The following FBXO7 variants were observed in gnomAD, a reference collection of about 807,000 sequenced individuals.
The protein encoded by FBXO7 is F-box protein 7, also known as F-box only protein 7.
FBXO7 carries 31 observed loss-of-function variants against 50.2 expected under a neutral mutation model. The observed-to-expected ratio is 0.62, with a 90% CI of 0.46 to 0.83. The LOEUF (loss-of-function observed/expected upper bound fraction) is 0.83, where lower values mean the gene tolerates loss of function less well. Among genes scored for constraint, FBXO7 ranks in the 40% least tolerant of loss-of-function variants. The probability of loss-of-function intolerance (pLI) is 0.00; values close to 1 mark genes in which losing one functional copy is unlikely to be tolerated. For missense variants in FBXO7, 667 were observed against 646.6 expected (o/e 1.03, Z -0.34); for synonymous variants, 256 against 253.1 (o/e 1.01, Z -0.11).
chr22:32,475,128 C>T lies in FBXO7; in HGVS notation c.122+4C>T. The T allele has an allele frequency of 6.5e-7, 1 of 1,537,196 alleles. No homozygotes were observed. Among genetic ancestry groups the T allele is most frequent in the Non-Finnish European group, 8.8e-7 (1 of 1,141,702 alleles). On this transcript the variant is annotated splice_donor_region_variant and intron_variant, in intron 1 of 8. Transcript: ENST00000266087. The stretch of plus-strand genomic sequence containing the variant: ...TGCTGTGCACCTGGGGGTACAGGTA[C>T]GCTGGGGCCGGGGCTGGGCGGCCCG...
At chr22:32,495,420 A>T in intron 7 of FBXO7, 73 bp from the exon 8 acceptor site, 1 of 1,062,862 alleles carries the variant, frequency 9.4e-7, no homozygotes, top group Non-Finnish European at 1.4e-6. Context: ...CTTAGGAGAA[A>T]AACAAAACCC....
At position 32,479,180 on chromosome 22, in the gene FBXO7, A is replaced by G. The variant is rs1226606253; in HGVS notation, c.322A>G (p.Thr108Ala). Reference sequence around the variant, plus strand: ...GAATAATGAGCAACCCTCTTTGGCCACCAGCTCCAATCAGACTAGCATGCA... The same window carrying G: ...GAATAATGAGCAACCCTCTTTGGCCGCCAGCTCCAATCAGACTAGCATGCA... The part of the protein sequence containing the change: ...LQNNEQPSLA[T>A]SSNQTSMQDE... Residue 108 changes from threonine to alanine, a missense_variant, in exon 2 of 9, where the codon ACC (threonine) becomes GCC (alanine). Transcript: ENST00000266087. 1 of 1,614,112 alleles carries G rather than the reference A, an allele frequency of 6.2e-7. No individual in the cohort carries two copies. The highest frequency in any genetic ancestry group is 1.3e-5 in the African/African-American group (1 of 75,022).
In FBXO7 at chr22:32,493,274, T is replaced by A. The variant is rs2057550487; in HGVS notation, c.1137T>A (p.Asp379Glu). ...TGTGGAGGTTTTTATATCTGCGTGATTTTCGAGGTGATTTCCGTAATGACA... is the reference window on the plus strand; with the variant it reads ...TGTGGAGGTTTTTATATCTGCGTGAATTTCGAGGTGATTTCCGTAATGACA... The part of the protein sequence containing the change: ...PLLWRFLYLR[D>E]FRDNTVRVQD... Residue 379 changes from aspartate to glutamate, a missense_variant, in exon 7 of 9, where the codon GAT becomes GAA. Asp to Glu is a conservative substitution (Grantham distance 45, BLOSUM62 2). Coordinates refer to ENST00000266087, the MANE Select transcript of FBXO7 (RefSeq NM_012179.4). 6.2e-7 allele frequency: 1 copy of A among 1,613,804 alleles called. No individual in the cohort carries two copies. Among genetic ancestry groups the A allele is most frequent in the African/African-American group, 1.3e-5 (1 of 74,918 alleles).
Position 32,498,190 on chromosome 22 carries a change from GGT to G in FBXO7, c.1230_1231del (p.Phe411CysfsTer21). 6.2e-7 allele frequency: 1 copy of G among 1,614,126 alleles called. No individual in the cohort carries two copies. Among genetic ancestry groups the G allele is most frequent in the Non-Finnish European group, 8.5e-7 (1 of 1,180,006 alleles). On this transcript the variant is annotated frameshift_variant, in exon 9 of 9. Transcript: ENST00000266087. LOFTEE classifies it low-confidence loss of function (END_TRUNC). ...CAAAGAAAAGAATCCCCGAAAGGGC[GGT>G]TTGTGATGCTCCTGCCATCGTCAAC...
At position 32,478,985 on chromosome 22, in the gene FBXO7, A is replaced by G. The variant is rs775290396; in HGVS notation, c.127A>G (p.Asn43Asp). ...SLLCTWGYSS[N>D]TRFTITLNYK... Reference sequence around the variant, plus strand: ...CTTATCTGTCTTTCTTGGCAGTTCTAATACCCGATTTACAATTACATTGAA... The same window carrying G: ...CTTATCTGTCTTTCTTGGCAGTTCTGATACCCGATTTACAATTACATTGAA... The change falls in exon 2 of 9, where the codon AAT becomes GAT. Residue 43 changes from asparagine to aspartate, a missense_variant. By Grantham distance (23) the Asn-to-Asp change is conservative. Coordinates refer to ENST00000266087, the MANE Select transcript of FBXO7 (RefSeq NM_012179.4). 7 of 1,614,028 alleles carry G rather than the reference A, an allele frequency of 4.3e-6. No homozygotes were observed. The highest frequency in any genetic ancestry group is 2.2e-5 in the South Asian group (2 of 91,090).
At position 32,474,973 on chromosome 22, in the gene FBXO7, T is replaced by C; in HGVS notation, c.-30T>C. 2 of 1,527,008 alleles carry C rather than the reference T, an allele frequency of 1.3e-6. No individual in the cohort carries two copies. Among genetic ancestry groups the C allele is most frequent in the Non-Finnish European group, 1.8e-6 (2 of 1,142,142 alleles). The allele number at this position is 1,527,008 out of a possible 1,614,324, so 94.6% of individuals were successfully genotyped here. ...CGCCGTCCCCGTCGCCGCTTCCGGG[T>C]CCAGGCCCCTCGGGCCGCCTGCCGC... On this transcript the variant is annotated 5_prime_UTR_variant, in exon 1 of 9. Transcript: ENST00000266087.
chr22:32,475,406 A>G, intron 1 of FBXO7: 6 of 1,611,126 alleles, frequency 3.7e-6, no homozygotes, highest in Non-Finnish European at 5.1e-6. Context: ...TCGGTGAGTC[A>G]TGGCTTCTGG....
chr22:32,484,188 C>A, intron 3 of FBXO7, 64 bp downstream of exon 3: 1 of 1,415,700 alleles, frequency 7.1e-7, no homozygotes, highest in Non-Finnish European at 1.0e-6. Flanking sequence ...GGTTCCTGCT[C>A]TCAAGTTGCC....
chr22:32,491,089 A>G lies in FBXO7; in HGVS notation c.875A>G (p.Glu292Gly), dbSNP rs2057531686. ...ESFICKEKLG[E>G]NVANIYKDLQ... ...TTTACTTTAAAAAATATTCTAGGGG[A>G]AAATGTAGCCAACATATACAAAGAT... The change falls in exon 6 of 9, where the codon GAA becomes GGA. Residue 292 changes from glutamate to glycine, a missense_variant. Glu to Gly is a moderately conservative substitution (Grantham distance 98, BLOSUM62 -2). Transcript: ENST00000266087. 2 of 1,609,454 alleles carry G rather than the reference A, an allele frequency of 1.2e-6. No homozygotes were observed. Among genetic ancestry groups the G allele is most frequent in the Non-Finnish European group, 1.7e-6 (2 of 1,175,978 alleles).
intron 2 of FBXO7, among the ~76,000 whole-genome samples, chr22:32,479,883 C>T (rs992657811): frequency 2.6e-5 from 4 of 152,058 alleles, no homozygotes; most frequent in African/African-American, 7.2e-5. Context: ...TGATCTGGTC[C>T]GCTCATTAAG....
Position 32,497,161 on chromosome 22 carries a change from A to T in FBXO7, c.1183-983A>T, listed in dbSNP as rs558615138. Among the ~76,000 whole-genome samples the T allele has an allele frequency of 6.6e-5, 10 of 152,256 alleles. No homozygotes were observed. The East Asian group carries it at 1.7e-3, about 26-fold the overall frequency. The stretch of plus-strand genomic sequence containing the variant: ...AAGAGAGAAAGTGGTTTCTTTTTTT[A>T]AAAAAATGTCAATAGTTTTTGGGGT... On this transcript the variant is annotated intron_variant, in intron 8 of 8. Transcript: ENST00000266087.
At chr22:32,488,654 C>T (rs1266897372) in intron 5 of FBXO7, 2 of 152,170 alleles carry the variant, frequency 1.3e-5, no homozygotes, top group Non-Finnish European at 2.9e-5. Context: ...GACATTGTTG[C>T]TTTGAAGGCC....
At chr22:32,484,753 G>A (rs1164711050) in intron 3 of FBXO7, among the ~76,000 whole-genome samples, 2 of 152,166 alleles carry the variant, frequency 1.3e-5, no homozygotes, top group African/African-American at 4.8e-5. Context: ...ATTTGAGCCG[G>A]AGTTTTAAAT....
rs1412931667 is a variant in FBXO7, at chr22:32,487,811, T to C, written c.854T>C (p.Ile285Thr). The change falls in exon 5 of 9, where the codon ATT becomes ACT. Residue 285 changes from isoleucine (I) to threonine (T), a missense_variant. By Grantham distance (89) the Ile-to-Thr change is moderately conservative. Transcript: ENST00000266087. Reference sequence around the variant, plus strand: ...TTGCAGCTGCTACCAGAATCTTTTATTTGCAAAGAGAAACTAGGTAATACA... The same window carrying C: ...TTGCAGCTGCTACCAGAATCTTTTACTTGCAAAGAGAAACTAGGTAATACA... ...KRLQLLPESF[I>T]CKEKLGENVA... 6.2e-7 allele frequency: 1 copy of C among 1,606,100 alleles called. No homozygotes were observed.
chr22:32,475,091 T>C lies in FBXO7; in HGVS notation c.89T>C (p.Leu30Pro). The change falls in exon 1 of 9, where the codon CTG becomes CCG. Residue 30 changes from leucine (L) to proline (P), a missense_variant. Physicochemically the swap from Leu to Pro is moderately conservative, Grantham distance 98. Coordinates refer to ENST00000266087, the MANE Select transcript of FBXO7 (RefSeq NM_012179.4). ...EPTLGHLRSH[L>P]RQSLLCTWGY... ...ACGCTGGGGCATTTGCGCTCGCACCTGAGGCAGTCCCTGCTGTGCACCTGG... is the reference window on the plus strand; with the variant it reads ...ACGCTGGGGCATTTGCGCTCGCACCCGAGGCAGTCCCTGCTGTGCACCTGG... The C allele has an allele frequency of 6.5e-7, 1 of 1,546,320 alleles. No homozygotes were observed.
chr22:32,498,046 G>A (rs964251770), intron 8 of FBXO7, 98 bp from the exon 9 acceptor site: 5 of 1,297,506 alleles, frequency 3.9e-6, no homozygotes, highest in Non-Finnish European at 5.5e-6. Context: ...TGTCTGAGGT[G>A]TGCCTATAGA....
intron 6 of FBXO7, chr22:32,491,848 G>A (rs1018334753): frequency 2.0e-5 from 3 of 151,702 alleles, no homozygotes; most frequent in Non-Finnish European, 4.4e-5. Flanking sequence ...TTTTTTTGCA[G>A]TTAAAAAAAT....
At chr22:32,479,571 A>G (rs1453207097) in intron 2 of FBXO7, among the ~76,000 whole-genome samples, 4 of 151,602 alleles carry the variant, frequency 2.6e-5, no homozygotes, top group Admixed American at 2.0e-4. Flanking sequence ...TAATTTTTGT[A>G]TTTTTAGTAG....
intron 2 of FBXO7, among the ~76,000 whole-genome samples, chr22:32,480,472 A>G (rs8138571): frequency 2.2e-3 from 329 of 150,460 alleles, no homozygotes; most frequent in African/African-American, 7.1e-3. Flanking sequence ...GTGCACACAC[A>G]CAACCTGGTG....
Sources: allele counts gnomAD v4.1 joint callset (sites outside exome capture counted in the v4.1 genomes callset), GRCh38; gene constraint gnomAD v4.1.1; transcripts MANE v1.5; gene names NCBI Gene and HGNC (gene_info 2026-07-23, HGNC 2026-07-21).